DENND6A: variants seen among roughly 807,000 people sequenced by gnomAD.
DENND6A encodes the protein protein DENND6A.
In DENND6A, 43 loss-of-function variants were observed where a neutral mutation model predicts 95.5. The ratio of observed to expected loss-of-function variants is 0.45; its 90% confidence interval spans 0.35 to 0.58. The LOEUF is 0.58. Among genes scored for constraint, DENND6A ranks in the 20% least tolerant of loss-of-function variants. The pLI, the probability that DENND6A is intolerant of heterozygous loss-of-function variation, is 0.00. For missense variants in DENND6A, 574 were observed against 736.0 expected, an observed-to-expected ratio of 0.78 and a Z score of 2.55; for synonymous variants, 257 against 260.4, an observed-to-expected ratio of 0.99 and a Z score of 0.13.
At chr3:57,680,224 T>C (rs1334061896) in intron 1 of DENND6A, among the ~76,000 whole-genome samples, 2 of 152,240 alleles carry the variant, frequency 1.3e-5, no homozygotes, top group African/African-American at 4.8e-5. Context: ...CTTCACAACC[T>C]TGAATTAGGC....
At chr3:57,639,431 G>A (rs1377441910) in intron 12 of DENND6A, among the ~76,000 whole-genome samples, 1 of 152,170 alleles carries the variant, frequency 6.6e-6, no homozygotes, top group Non-Finnish European at 1.5e-5. Context: ...ACATCTAGCA[G>A]AGAGACTTCT....
chr3:57,640,558 A>G (rs1445978726), intron 12 of DENND6A, among the ~76,000 whole-genome samples: 2 of 152,232 alleles, frequency 1.3e-5, no homozygotes, highest in Admixed American at 1.3e-4. Flanking sequence ...AGCCTGGGCA[A>G]CAGAGTGAGA....
chr3:57,691,329 T>C lies in DENND6A; in HGVS notation c.237+1453A>G, dbSNP rs186259981. 5.2e-4 allele frequency among the ~76,000 whole-genome samples: 79 copies of C among 152,326 alleles called. No individual in the cohort carries two copies. The Middle Eastern group carries it at 0.031, about 59-fold the overall frequency. On this transcript the variant is annotated intron_variant, in intron 1 of 19. Transcript: ENST00000311128. ...AATAAGATAAAGAATTGCTCACATATTCACCTATTCTATCAAAAGTATTTA... is the reference window on the plus strand; with the variant it reads ...AATAAGATAAAGAATTGCTCACATACTCACCTATTCTATCAAAAGTATTTA...
chr3:57,630,074 T>C (rs1308427777), intron 18 of DENND6A, among the ~76,000 whole-genome samples: 1 of 152,192 alleles, frequency 6.6e-6, no homozygotes, highest in Non-Finnish European at 1.5e-5. Flanking sequence ...TGAGAAGAGA[T>C]GTGCACATTT....
intron 14 of DENND6A, among the ~76,000 whole-genome samples, chr3:57,633,826 G>A (rs1210284877): frequency 6.6e-6 from 1 of 152,032 alleles, no homozygotes; most frequent in Non-Finnish European, 1.5e-5. Context: ...GGGAGGTGGA[G>A]GCTGCAGTGA....
rs1396757237 is a variant in DENND6A, at chr3:57,651,961, C to CA, written c.819-5524dup. ...TGGTGGCTCACTCCTGTAACCCCAA[C>CA]ACCTAGGTGGGAGGATCACTTGAGG... On this transcript the variant is annotated intron_variant, in intron 9 of 19. Coordinates refer to ENST00000311128, the MANE Select transcript of DENND6A (RefSeq NM_152678.3). Among the ~76,000 whole-genome samples the CA allele has an allele frequency of 4.3e-4, 65 of 152,150 alleles. 2 individuals carry two copies. Among genetic ancestry groups the CA allele is most frequent in the Admixed American group, 1.3e-4 (2 of 15,274 alleles).
intron 1 of DENND6A, among the ~76,000 whole-genome samples, chr3:57,687,954 T>A (rs896450510): frequency 6.0e-5 from 9 of 149,544 alleles, no homozygotes; most frequent in African/African-American, 2.0e-4. Flanking sequence ...GAAAAGAACA[T>A]CTGCTTTGTA....
chr3:57,663,559 C>G, intron 5 of DENND6A, 77 bp downstream of exon 5: 1 of 954,164 alleles, frequency 1.0e-6, no homozygotes, highest in Non-Finnish European at 1.5e-6. Flanking sequence ...ACTTTAAAGA[C>G]TCTTAAATCT....
intron 12 of DENND6A, 150 bp downstream of exon 12, chr3:57,641,502 AT>A (rs1292973056): frequency 1.3e-5 from 6 of 448,906 alleles, no homozygotes; most frequent in Non-Finnish European, 2.3e-5. Context: ...GAGCCTGCAT[AT>A]TTTAGTGGGA....
intron 1 of DENND6A, among the ~76,000 whole-genome samples, chr3:57,676,810 A>G (rs2071716886): frequency 6.6e-6 from 1 of 151,946 alleles, no homozygotes; most frequent in Non-Finnish European, 1.5e-5. Context: ...TCAAACTGCT[A>G]TTTTTTATTT....
At chr3:57,631,719 T>A (rs1369356054) in intron 15 of DENND6A, among the ~76,000 whole-genome samples, 10 of 124,396 alleles carry the variant, frequency 8.0e-5, no homozygotes, top group African/African-American at 2.7e-4. Flanking sequence ...CTGCTCTCTT[T>A]TTTTTTTTTT....
intron 1 of DENND6A, among the ~76,000 whole-genome samples, chr3:57,680,057 G>GT (rs2077149152): frequency 6.6e-6 from 1 of 152,128 alleles, no homozygotes; most frequent in Non-Finnish European, 1.5e-5. Flanking sequence ...TTCAGGTGGA[G>GT]TAAGTTACTT....
intron 7 of DENND6A, among the ~76,000 whole-genome samples, chr3:57,660,489 A>G (rs1383809795): frequency 6.6e-6 from 1 of 152,138 alleles, no homozygotes; most frequent in Non-Finnish European, 1.5e-5. Context: ...CGCCTGTCCA[A>G]AAGTTCTTTA....
intron 9 of DENND6A, among the ~76,000 whole-genome samples, chr3:57,657,284 C>G (rs1272644915): frequency 6.6e-6 from 1 of 152,158 alleles, no homozygotes; most frequent in Non-Finnish European, 1.5e-5. Flanking sequence ...ACATATCACT[C>G]AGATTTAATG....
rs746728583 is a variant in DENND6A at position 57,628,876 on chromosome 3, GAAGT to G, written c.1626_1629del (p.Leu542PhefsTer10). The G allele has an allele frequency of 4.3e-6, 7 of 1,612,688 alleles. No individual in the cohort carries two copies. Among genetic ancestry groups the G allele is most frequent in the Non-Finnish European group, 5.9e-6 (7 of 1,179,680 alleles). ...ACTTCTGTGTGTTTCTGGATCCAGA[GAAGT>G]AAGTCCTAGAATAAATAAAGTCCCA... On this transcript the variant is annotated frameshift_variant, in exon 19 of 20. Transcript: ENST00000311128. LOFTEE classifies it high-confidence loss of function.
chr3:57,670,826 CA>C (rs559130278), intron 3 of DENND6A, among the ~76,000 whole-genome samples: 107 of 152,280 alleles, frequency 7.0e-4, no homozygotes, highest in African/African-American at 2.4e-3. Context: ...GGATTCCATG[CA>C]GAAAGTCAGT....
chr3:57,637,918 G>C (rs950152683), intron 12 of DENND6A, among the ~76,000 whole-genome samples: 1 of 151,920 alleles, frequency 6.6e-6, no homozygotes, highest in East Asian at 1.9e-4. Context: ...AGTGGATCAC[G>C]AGGTCAGGAA....
chr3:57,672,204 C>G (rs1227078333), intron 3 of DENND6A, 52 bp downstream of exon 3: 2 of 1,485,642 alleles, frequency 1.3e-6, no homozygotes, highest in Non-Finnish European at 1.8e-6. Context: ...AACAGTATAA[C>G]CAGTATTCTT....
Position 57,666,199 on chromosome 3 carries a change from C to A in DENND6A, c.356G>T (p.Arg119Leu), listed in dbSNP as rs775020388. ...LGDTQFCFRF[R>L]QSSGRRVSLH... ...CGACACCCTCCTCCCAGAAGACTGT[C>A]GAAATCTAAAACAAAACTGGGTATC... Residue 119 changes from arginine (R) to leucine (L), a missense_variant, in exon 4 of 20, where the codon CGA (arginine) becomes CTA (leucine). Physicochemically the swap from Arg to Leu is moderately radical, Grantham distance 102 (BLOSUM62 -2). Coordinates refer to ENST00000311128, the MANE Select transcript of DENND6A (RefSeq NM_152678.3). 1.2e-6 allele frequency: 2 copies of A among 1,613,418 alleles called. No homozygotes were observed. Among genetic ancestry groups the A allele is most frequent in the Admixed American group, 1.7e-5 (1 of 59,950 alleles).
Sources: gnomAD v4.1 joint callset for allele counts (sites outside exome capture counted in the v4.1 genomes callset) on GRCh38, gnomAD v4.1.1 for gene constraint, MANE v1.5 for transcripts, NCBI Gene and HGNC (gene_info 2026-07-23, HGNC 2026-07-21) for gene names.